GABRR3: variants seen among roughly 807,000 people sequenced by gnomAD.
GABRR3 encodes gamma-aminobutyric acid type A receptor subunit rho3, also known as gamma-aminobutyric acid receptor subunit rho-3.
A neutral mutation model predicts 43.2 loss-of-function variants in GABRR3; 29 were observed. The observed-to-expected ratio is 0.67, with a 90% confidence interval of 0.50 to 0.92. The LOEUF is 0.92. GABRR3 is among the 40% of genes least tolerant of loss of function. The pLI, the probability that GABRR3 is intolerant of heterozygous loss-of-function variation, is 0.00. For synonymous variants in GABRR3, 206 were observed against 195.9 expected (o/e 1.05, Z -0.43); for missense variants, 576 against 572.3 (o/e 1.01, Z -0.07).
At chr3:97,991,093 AG>A (rs1451163655) in intron 9 of GABRR3, among the ~76,000 whole-genome samples, 1 of 152,212 alleles carries the variant, frequency 6.6e-6, no homozygotes, top group Non-Finnish European at 1.5e-5. Flanking sequence ...GTTGTGTGGC[AG>A]GTGGGGGCAG....
At chr3:98,004,577 T>G (rs1296671717) in intron 7 of GABRR3, among the ~76,000 whole-genome samples, 1 of 151,734 alleles carries the variant, frequency 6.6e-6, no homozygotes, top group Admixed American at 6.6e-5. Flanking sequence ...ATTTTGAGAA[T>G]TTTGAGAAAG....
intron 2 of GABRR3, among the ~76,000 whole-genome samples, chr3:98,027,527 T>C (rs1181654318): frequency 6.6e-6 from 1 of 152,252 alleles, no homozygotes; most frequent in Non-Finnish European, 1.5e-5. Context: ...GGATAAATCT[T>C]AATTAAGAAT....
intron 8 of GABRR3, among the ~76,000 whole-genome samples, chr3:97,994,796 C>A (rs1447620764): frequency 6.6e-6 from 1 of 152,146 alleles, no homozygotes; most frequent in African/African-American, 2.4e-5. Context: ...TTTGTCAGAG[C>A]AGAGTGCAAA....
At position 98,021,647 on chromosome 3, in the gene GABRR3, T is replaced by A. The variant is rs988852615; in HGVS notation, c.238+3920A>T. Among the ~76,000 whole-genome samples the A allele has an allele frequency of 4.5e-4, 68 of 152,214 alleles. 1 individual carries two copies. The highest frequency in any genetic ancestry group is 8.4e-4 in the Non-Finnish European group (57 of 68,042). ...GTAAATAATAATTTTTAGATAATTT[T>A]ATTAATTCAGTACCTAAAGCATTTA... On this transcript the variant is annotated intron_variant, in intron 3 of 9. Transcript: ENST00000621172.
chr3:98,009,089 C>G, intron 5 of GABRR3, 51 bp from the exon 6 acceptor site: 2 of 1,171,644 alleles, frequency 1.7e-6, no homozygotes, highest in South Asian at 2.7e-5. Flanking sequence ...ACCATCTGGC[C>G]AAATGAGCAT....
rs202154293 is a variant in GABRR3 at position 98,028,863 on chromosome 3, A to T, written c.126-3184T>A. On this transcript the variant is annotated intron_variant, in intron 2 of 9. Coordinates refer to ENST00000621172, the Ensembl canonical transcript of GABRR3. ...GCCTCTGATGCATACATAGGAAGGT[A>T]AATAAAATGAAGGATGAAATAAAAC... is the stretch of plus-strand genomic sequence containing the variant. Among the ~76,000 whole-genome samples, 6 of 152,296 alleles carry T rather than the reference A, an allele frequency of 3.9e-5. No homozygotes were observed. The East Asian group carries it at 1.2e-3, about 29-fold the overall frequency.
chr3:98,018,084 A>T (rs944081628), intron 3 of GABRR3, among the ~76,000 whole-genome samples: 1 of 151,738 alleles, frequency 6.6e-6, no homozygotes. Flanking sequence ...AACATGTCTT[A>T]AGAGTATGTA....
chr3:97,995,178 T>C (rs565260554), intron 8 of GABRR3, among the ~76,000 whole-genome samples: 3 of 152,212 alleles, frequency 2.0e-5, no homozygotes, highest in South Asian at 2.1e-4. Flanking sequence ...GGTTTCTCCA[T>C]GTTGATTAGG....
intron 5 of GABRR3, among the ~76,000 whole-genome samples, chr3:98,010,951 T>G (rs1239909202): frequency 1.3e-5 from 2 of 151,910 alleles, no homozygotes; most frequent in African/African-American, 4.8e-5. Context: ...AATAGAAAAA[T>G]TAGCTGGGCA....
At chr3:98,026,273 G>A (rs541596311) in intron 2 of GABRR3, among the ~76,000 whole-genome samples, 1 of 152,166 alleles carries the variant, frequency 6.6e-6, no homozygotes, top group Non-Finnish European at 1.5e-5. Flanking sequence ...CTGAGGGATG[G>A]CAATATTTAT....
chr3:98,020,482 GA>G (rs1209493201), intron 3 of GABRR3, among the ~76,000 whole-genome samples: 2 of 119,476 alleles, frequency 1.7e-5, no homozygotes, highest in African/African-American at 6.1e-5. Context: ...AAAAGGAAAA[GA>G]AAAAGATACA....
intron 4 of GABRR3, among the ~76,000 whole-genome samples, chr3:98,015,755 G>C (rs1292718590): frequency 6.6e-6 from 1 of 152,160 alleles, no homozygotes; most frequent in African/African-American, 2.4e-5. Context: ...TAAATATAAA[G>C]ACACATAGCC....
At chr3:98,018,832 G>A (rs570254535) in intron 3 of GABRR3, among the ~76,000 whole-genome samples, 44 of 152,116 alleles carry the variant, frequency 2.9e-4, no homozygotes, top group Admixed American at 7.2e-4. Flanking sequence ...GATTTAGGCC[G>A]GGCGTGGTGG....
At chr3:97,986,898 T>C (rs1396130229) in exon 10 of GABRR3, 1 of 1,611,708 alleles carries the variant, frequency 6.2e-7, no homozygotes, top group East Asian at 2.2e-5. Context: ...GAGAGGGAAG[T>C]CTGGTCCATG....
intron 4 of GABRR3, among the ~76,000 whole-genome samples, chr3:98,014,093 C>A (rs1177223290): frequency 1.3e-5 from 2 of 152,104 alleles, no homozygotes; most frequent in Non-Finnish European, 2.9e-5. Context: ...AAAACCAACA[C>A]TAGGGGGAAG....
At chr3:98,019,368 T>G (rs1165960048) in intron 3 of GABRR3, among the ~76,000 whole-genome samples, 1 of 152,252 alleles carries the variant, frequency 6.6e-6, no homozygotes, top group East Asian at 1.9e-4. Context: ...AGGAATTAAC[T>G]GATGTCACCT....
chr3:98,009,766 G>A (rs1047542355), intron 5 of GABRR3, among the ~76,000 whole-genome samples: 1 of 152,184 alleles, frequency 6.6e-6, no homozygotes, highest in African/African-American at 2.4e-5. Flanking sequence ...GGCAACAGAT[G>A]CTCCTACCTG....
chr3:98,035,052 C>T, intron 1 of GABRR3, 63 bp from the exon 2 acceptor site: 1 of 1,541,520 alleles, frequency 6.5e-7, no homozygotes, highest in Non-Finnish European at 8.8e-7. Flanking sequence ...ATCACAGTTT[C>T]TTCTTCATGT....
intron 3 of GABRR3, among the ~76,000 whole-genome samples, chr3:98,021,070 G>T (rs188226605): frequency 6.6e-6 from 1 of 151,630 alleles, no homozygotes; most frequent in Admixed American, 6.6e-5. Flanking sequence ...TCATCATGTT[G>T]GTCAGGCTGG....
Sources: allele counts gnomAD v4.1 joint callset (sites outside exome capture counted in the v4.1 genomes callset), GRCh38; gene constraint gnomAD v4.1.1; transcripts MANE v1.5; gene names NCBI Gene and HGNC (gene_info 2026-07-23, HGNC 2026-07-21).